GRID2: variants seen among roughly 807,000 people sequenced by gnomAD.
GRID2 encodes the protein glutamate ionotropic receptor delta type subunit 2, also known as glutamate receptor ionotropic, delta-2.
In GRID2, 33 loss-of-function variants were observed where a neutral mutation model predicts 114.8. The observed-to-expected ratio is 0.29, with a 90% CI of 0.22 to 0.38. GRID2 has a LOEUF of 0.38. Among genes scored for constraint, GRID2 ranks in the 10% least tolerant of loss-of-function variants. GRID2 has a pLI of 1.00. For synonymous variants in GRID2, 505 were observed against 449.9 expected, an observed-to-expected ratio of 1.12 and a Z score of -1.55; for missense variants, 1,184 against 1,257.7, an observed-to-expected ratio of 0.94 and a Z score of 0.89.
intron 8 of GRID2, among the ~76,000 whole-genome samples, chr4:93,244,102 G>A (rs1340059677): frequency 2.0e-5 from 3 of 151,992 alleles, no homozygotes; most frequent in Non-Finnish European, 4.4e-5. Flanking sequence ...AATGTTGTTT[G>A]CTTATTTGTC....
chr4:92,370,907 C>T lies in GRID2; in HGVS notation c.88+66163C>T, dbSNP rs114831450. Among the ~76,000 whole-genome samples the T allele has an allele frequency of 4.9e-3, 741 of 152,118 alleles. 9 individuals are homozygous for T. Among genetic ancestry groups the T allele is most frequent in the African/African-American group, 0.015 (635 of 41,502 alleles). On this transcript the variant is annotated intron_variant, in intron 1 of 15. Transcript: ENST00000282020. ...AAAAGTTCTAGAAAGTTCTAGAAAA[C>T]GGAACGTTCTAGAAAGTGCTTCTTT...
intron 1 of GRID2, among the ~76,000 whole-genome samples, chr4:92,431,545 T>C (rs1477314097): frequency 6.6e-6 from 1 of 151,930 alleles, no homozygotes; most frequent in Non-Finnish European, 1.5e-5. Flanking sequence ...GATATTGGCC[T>C]GTAGTTTTAT....
At chr4:93,380,439 A>G (rs763321653) in intron 8 of GRID2, among the ~76,000 whole-genome samples, 1 of 150,864 alleles carries the variant, frequency 6.6e-6, no homozygotes, top group Non-Finnish European at 1.5e-5. Flanking sequence ...ACTTTGGGGC[A>G]GTTTGTTATG....
chr4:93,471,834 G>A (rs1724858086), intron 11 of GRID2, among the ~76,000 whole-genome samples: 1 of 148,040 alleles, frequency 6.8e-6, no homozygotes, highest in Non-Finnish European at 1.5e-5. Context: ...CAAAGTAGCT[G>A]GGATTACAGG....
intron 2 of GRID2, among the ~76,000 whole-genome samples, chr4:92,676,718 A>G (rs1257070694): frequency 6.6e-6 from 1 of 152,100 alleles, no homozygotes; most frequent in Non-Finnish European, 1.5e-5. Flanking sequence ...TCTTAATAGT[A>G]AAGCAATTCC....
chr4:92,558,085 T>A (rs1726942106), intron 1 of GRID2, among the ~76,000 whole-genome samples: 1 of 152,144 alleles, frequency 6.6e-6, no homozygotes, highest in African/African-American at 2.4e-5. Context: ...CAGCCCTCTC[T>A]CAAATGCTTG....
At chr4:93,107,825 T>A (rs982043759) in intron 3 of GRID2, among the ~76,000 whole-genome samples, 5 of 152,156 alleles carry the variant, frequency 3.3e-5, no homozygotes, top group African/African-American at 1.2e-4. Flanking sequence ...AACACGTCAC[T>A]TCCAGACTTA....
In GRID2 at chr4:92,727,472, G is replaced by C. The variant is rs145720555; in HGVS notation, c.244+137186G>C. On this transcript the variant is annotated intron_variant, in intron 2 of 15. Transcript: ENST00000282020. ...ATAAGTATATTACTATTTTGGTTAA[G>C]GGCCTGCCAGGATTTTCTTCATCCC... Among the ~76,000 whole-genome samples the C allele has an allele frequency of 3.5e-3, 538 of 152,100 alleles. 4 individuals are homozygous for C. The highest frequency in any genetic ancestry group is 5.2e-3 in the Non-Finnish European group (350 of 67,928).
At chr4:93,141,427 A>G (rs1298107889) in intron 4 of GRID2, among the ~76,000 whole-genome samples, 1 of 152,198 alleles carries the variant, frequency 6.6e-6, no homozygotes, top group African/African-American at 2.4e-5. Flanking sequence ...TTGACTCAAA[A>G]AGTGAGGAAG....
At chr4:93,132,885 T>C (rs190690975) in intron 4 of GRID2, among the ~76,000 whole-genome samples, 66 of 152,202 alleles carry the variant, frequency 4.3e-4, no homozygotes, top group Middle Eastern at 3.4e-3. Flanking sequence ...TTTAAATGAG[T>C]GGAACGCTTA....
At chr4:93,635,031 C>A (rs1656904345) in intron 14 of GRID2, among the ~76,000 whole-genome samples, 3 of 152,046 alleles carry the variant, frequency 2.0e-5, no homozygotes, top group Admixed American at 2.0e-4. Flanking sequence ...TAATTATGAT[C>A]ATTTACTACC....
chr4:92,444,323 G>A (rs929399767), intron 1 of GRID2, among the ~76,000 whole-genome samples: 3 of 152,064 alleles, frequency 2.0e-5, no homozygotes, highest in East Asian at 1.9e-4. Context: ...GGAGATAAGG[G>A]TGGGGCCGTT....
chr4:93,592,303 T>C (rs1465737529), intron 13 of GRID2, among the ~76,000 whole-genome samples: 1 of 152,200 alleles, frequency 6.6e-6, no homozygotes, highest in Non-Finnish European at 1.5e-5. Context: ...TCTGCCTTCA[T>C]TTCGTTATGT....
chr4:92,632,613 C>A (rs988025144), intron 2 of GRID2, among the ~76,000 whole-genome samples: 1 of 150,552 alleles, frequency 6.6e-6, no homozygotes, highest in Admixed American at 6.6e-5. Flanking sequence ...GCCTGAGCCA[C>A]GGAGCGAGAT....
chr4:92,744,380 C>T (rs558786577), intron 2 of GRID2, among the ~76,000 whole-genome samples: 56 of 151,070 alleles, frequency 3.7e-4, no homozygotes, highest in Middle Eastern at 7.1e-3. Context: ...CCTAGCTACT[C>T]GGGAGACTGA....
chr4:93,007,530 A>T (rs1721672678), intron 2 of GRID2, among the ~76,000 whole-genome samples: 1 of 151,364 alleles, frequency 6.6e-6, no homozygotes, highest in Non-Finnish European at 1.5e-5. Context: ...GATTATAAAG[A>T]CATAGTTTTA....
intron 1 of GRID2, among the ~76,000 whole-genome samples, chr4:92,491,372 T>A (rs1723139099): frequency 6.6e-6 from 1 of 152,150 alleles, no homozygotes; most frequent in Admixed American, 6.5e-5. Flanking sequence ...ATTGATGCTT[T>A]TATCTTCTGC....
intron 4 of GRID2, among the ~76,000 whole-genome samples, chr4:93,120,894 A>G (rs1241709720): frequency 6.6e-6 from 1 of 152,144 alleles, no homozygotes; most frequent in Non-Finnish European, 1.5e-5. Context: ...TGGAGCTTGT[A>G]GTGAGCCGAG....
At chr4:92,866,988 T>G (rs978301024) in intron 2 of GRID2, among the ~76,000 whole-genome samples, 5 of 152,208 alleles carry the variant, frequency 3.3e-5, no homozygotes, top group Non-Finnish European at 5.9e-5. Context: ...GAAGCTTTTA[T>G]GTCCATCATA....
Sources: allele counts gnomAD v4.1 joint callset (sites outside exome capture counted in the v4.1 genomes callset), GRCh38; gene constraint gnomAD v4.1.1; transcripts MANE v1.5; gene names NCBI Gene and HGNC (gene_info 2026-07-23, HGNC 2026-07-21).